Variants in ATP2C2 observed in about 807,000 individuals in gnomAD.
The protein encoded by ATP2C2 is ATPase secretory pathway Ca2+ transporting 2.
A neutral mutation model predicts 110.8 loss-of-function variants in ATP2C2; 171 were observed. The observed-to-expected ratio is 1.54, with a 90% confidence interval of 1.36 to 1.75. ATP2C2 has a LOEUF of 1.75. ATP2C2 is among the 40% of genes most tolerant of loss of function. The pLI, the probability that ATP2C2 is intolerant of heterozygous loss-of-function variation, is 0.00. For synonymous variants in ATP2C2, 804 were observed against 508.4 expected (o/e 1.58, Z -7.82); for missense variants, 1,963 against 1,235.0 (o/e 1.59, Z -8.84).
chr16:84,387,469 G>A (rs765140535), intron 1 of ATP2C2, among the ~76,000 whole-genome samples: 7 of 152,184 alleles, frequency 4.6e-5, no homozygotes, highest in Middle Eastern at 3.4e-3. Context: ...CCGAGATTGC[G>A]CCATTGCACT....
chr16:84,448,537 A>T lies in ATP2C2; in HGVS notation c.1508A>T (p.Gln503Leu), dbSNP rs1052460523. 1.9e-6 allele frequency: 3 copies of T among 1,610,462 alleles called. No individual in the cohort carries two copies. The highest frequency in any genetic ancestry group is 1.3e-5 in the African/African-American group (1 of 74,838). The change falls in exon 17 of 27, where the codon CAG becomes CTG. Residue 503 changes from glutamine (Q) to leucine (L), a missense_variant. By Grantham distance (113) the Gln-to-Leu change is moderately radical. Transcript: ENST00000262429. The stretch of plus-strand genomic sequence containing the variant: ...CTTCCCTTTGTCTTTTCTAAGGATC[A>T]GGAAGACATTTACTTCATGAAAGGG... Reference protein sequence around the residue: ...AVKCSLKTEDQEDIYFMKGAL... With the variant: ...AVKCSLKTEDLEDIYFMKGAL...
chr16:84,461,680 C>T lies in ATP2C2; in HGVS notation c.2482-34C>T, dbSNP rs370449196. 220 of 1,587,536 alleles carry T rather than the reference C, an allele frequency of 1.4e-4. 2 individuals carry two copies. Among genetic ancestry groups the T allele is most frequent in the South Asian group, 7.2e-4 (65 of 90,528 alleles). ...GTTCAGGATGGAGGTTGTCTCTTCC[C>T]GCCTAACCTCTCACCTTTGTGCTCA... On this transcript the variant is annotated intron_variant, in intron 24 of 26. Transcript: ENST00000262429.
chr16:84,446,198 C>G (rs762577825), intron 15 of ATP2C2, 131 bp from the exon 16 acceptor site: 5 of 406,292 alleles, frequency 1.2e-5, no homozygotes, highest in Non-Finnish European at 4.2e-6. Context: ...GGCCTTTTTT[C>G]TATGTGCTAA....
At position 84,453,602 on chromosome 16, in the gene ATP2C2, G is replaced by A. The variant is rs574335322; in HGVS notation, c.1980+231G>A. 3.9e-5 allele frequency among the ~76,000 whole-genome samples: 6 copies of A among 152,300 alleles called. 1 individual carries two copies. Among genetic ancestry groups the A allele is most frequent in the South Asian group, 4.1e-4 (2 of 4,832 alleles). On this transcript the variant is annotated intron_variant, in intron 20 of 26. Transcript: ENST00000262429. Reference sequence around the variant, plus strand: ...TTGGAGAGGACGAGGCTCTGAAGTTGCCAGCAACACTTGCGCTGACAGCCC... The same window carrying A: ...TTGGAGAGGACGAGGCTCTGAAGTTACCAGCAACACTTGCGCTGACAGCCC...
chr16:84,387,649 G>A (rs1048724708), intron 1 of ATP2C2, among the ~76,000 whole-genome samples: 2 of 152,218 alleles, frequency 1.3e-5, no homozygotes, highest in Non-Finnish European at 2.9e-5. Flanking sequence ...AGTTATTCAT[G>A]GAAATGCACC....
chr16:84,422,211 C>T (rs1337635835), intron 7 of ATP2C2, among the ~76,000 whole-genome samples, 179 bp from the exon 8 acceptor site: 1 of 152,106 alleles, frequency 6.6e-6, no homozygotes, highest in Non-Finnish European at 1.5e-5. Flanking sequence ...AGAGAGGCCG[C>T]TCATTCAAAG....
intron 1 of ATP2C2, among the ~76,000 whole-genome samples, chr16:84,387,516 A>G (rs544513555): frequency 3.3e-5 from 5 of 152,264 alleles, no homozygotes; most frequent in African/African-American, 1.2e-4. Context: ...TGTCTCAAAA[A>G]AAACAAGAAA....
intron 7 of ATP2C2, among the ~76,000 whole-genome samples, chr16:84,417,640 C>G (rs1414359586): frequency 2.0e-5 from 3 of 152,182 alleles, no homozygotes; most frequent in Non-Finnish European, 2.9e-5. Flanking sequence ...ACCTGTCATC[C>G]CAATACTTTG....
chr16:84,397,927 C>G (rs915812721), intron 1 of ATP2C2, among the ~76,000 whole-genome samples: 3 of 151,834 alleles, frequency 2.0e-5, no homozygotes, highest in Non-Finnish European at 2.9e-5. Context: ...AGTTCAAACC[C>G]TGGCCAACCT....
chr16:84,404,600 T>C lies in ATP2C2; in HGVS notation c.211-528T>C, dbSNP rs894739803. On this transcript the variant is annotated intron_variant, in intron 2 of 26. Coordinates refer to ENST00000262429, the MANE Select transcript of ATP2C2 (RefSeq NM_014861.4). ...ATGTTTCATGCATTCATTCATCCCT[T>C]GAAAGATTGGTGGGTTGTTTCCTCC... is the stretch of plus-strand genomic sequence containing the variant. 3.5e-5 allele frequency: 9 copies of C among 256,172 alleles called. No homozygotes were observed. In the Admixed American group the frequency reaches 4.6e-4, roughly 13 times the overall value. 15.9% of individuals were successfully genotyped at this position (256,172 alleles called of 1,614,324 possible). A position where few individuals can be genotyped will look rare whatever the true frequency, so the allele number is the denominator to read the frequency against.
chr16:84,427,831 C>T (rs1458839868), intron 11 of ATP2C2, among the ~76,000 whole-genome samples: 3 of 152,032 alleles, frequency 2.0e-5, no homozygotes, highest in Admixed American at 2.0e-4. Context: ...ATGGGGTTTC[C>T]TTCGGGGGTG....
At chr16:84,386,708 G>A (rs1904335647) in intron 1 of ATP2C2, among the ~76,000 whole-genome samples, 1 of 152,168 alleles carries the variant, frequency 6.6e-6, no homozygotes. Context: ...ACCTGAGGCT[G>A]AAATTTCAGA....
intron 7 of ATP2C2, among the ~76,000 whole-genome samples, chr16:84,417,829 TAAAC>T (rs1404062491): frequency 6.6e-6 from 1 of 152,212 alleles, no homozygotes; most frequent in Non-Finnish European, 1.5e-5. Context: ...GCAATTCCAT[TAAAC>T]AATCAATAGC....
chr16:84,397,653 G>GAAAAAAAAAAAAAAAAAAA (rs1905068728), intron 1 of ATP2C2, among the ~76,000 whole-genome samples: 1 of 3,800 alleles, frequency 2.6e-4, no homozygotes, highest in East Asian at 7.8e-3. Context: ...CAGCCTGGGT[G>GAAAAAAAAAAAAAAAAAAA]ACAAAAAAAA....
intron 1 of ATP2C2, among the ~76,000 whole-genome samples, chr16:84,392,959 G>C (rs913160371): frequency 6.6e-6 from 1 of 152,196 alleles, no homozygotes; most frequent in Non-Finnish European, 1.5e-5. Context: ...GCCTGACAGC[G>C]TAGGTGCATC....
intron 11 of ATP2C2, among the ~76,000 whole-genome samples, chr16:84,428,975 A>G (rs1441334771): frequency 2.6e-5 from 4 of 152,100 alleles, no homozygotes; most frequent in Non-Finnish European, 5.9e-5. Flanking sequence ...CCCTGAATAT[A>G]TGCCCAGGTT....
At chr16:84,368,858 ACAG>A (rs1383293788) in intron 1 of ATP2C2, 144 bp downstream of exon 1, 1 of 718,988 alleles carries the variant, frequency 1.4e-6, no homozygotes, top group Non-Finnish European at 2.2e-6. Flanking sequence ...AGCTGTCCTC[ACAG>A]CAACCGCGCT....
Position 84,439,514 on chromosome 16 carries a change from T to A in ATP2C2, c.1199T>A (p.Leu400His). 6.2e-7 allele frequency: 1 copy of A among 1,614,142 alleles called. No homozygotes were observed. Among genetic ancestry groups the A allele is most frequent in the Non-Finnish European group, 8.5e-7 (1 of 1,180,020 alleles). Residue 400 changes from leucine to histidine, a missense_variant, in exon 13 of 27, where the codon CTT (leucine) becomes CAT (histidine). By Grantham distance (99) the Leu-to-His change is moderately conservative (BLOSUM62 -3). Transcript: ENST00000262429. ...ACCCAGCTTGTAACGTCAGATGGGC[T>A]TCGTGCCGAGGTGAGTGCCAAAGGA... ...TVTQLVTSDG[L>H]RAEVSGVGYD...
intron 14 of ATP2C2, among the ~76,000 whole-genome samples, chr16:84,441,647 G>A (rs115682649): frequency 0.022 from 3,291 of 152,088 alleles, 136 homozygotes; most frequent in African/African-American, 0.075. Context: ...ATGACCAGGC[G>A]TGGTGGCTCA....
Sources: allele counts gnomAD v4.1 joint callset (sites outside exome capture counted in the v4.1 genomes callset), GRCh38; gene constraint gnomAD v4.1.1; transcripts MANE v1.5; gene names NCBI Gene and HGNC (gene_info 2026-07-23, HGNC 2026-07-21).